The following METTL21A variants were observed in gnomAD, a reference collection of about 807,000 sequenced individuals.
METTL21A encodes the protein methyltransferase 21A, HSPA lysine, also known as protein N-lysine methyltransferase METTL21A.
Under a neutral mutation model 20.9 loss-of-function variants are expected in METTL21A, and 22 were observed. The ratio of observed to expected loss-of-function variants is 1.05; its 90% CI spans 0.75 to 1.50. The LOEUF (loss-of-function observed/expected upper bound fraction) is 1.50. METTL21A is among the 40% of genes most tolerant of loss of function. The pLI is 0.00. For synonymous variants in METTL21A, 93 were observed against 102.0 expected (o/e 0.91, Z 0.53); for missense variants, 271 against 266.8 (o/e 1.02, Z -0.11).
chr2:207,582,998 GCT>G (rs1217799406), intron 3 of METTL21A: 4 of 153,724 alleles, frequency 2.6e-5, no homozygotes, highest in Non-Finnish European at 4.4e-5. Flanking sequence ...TATATAGTTG[GCT>G]CTGTTTTCCA....
In METTL21A at chr2:207,602,760, A is replaced by G. The variant is rs542459960; in HGVS notation, c.259+19046T>C. The G allele has an allele frequency of 2.3e-4, 50 of 213,658 alleles. No homozygotes were observed. The South Asian group carries it at 2.4e-3, about 10-fold the overall frequency. The allele number at this position is 213,658 out of a possible 1,614,324, so 13.2% of individuals were successfully genotyped here. A position where few individuals can be genotyped will look rare whatever the true frequency, so the allele number is the denominator to read the frequency against. ...ATGTAATAAAATTATTTATATTAAA[A>G]GTGGGAAATAATTGTCAACATTTTT... is the stretch of plus-strand genomic sequence containing the variant. On this transcript the variant is annotated intron_variant, in intron 3 of 3. Coordinates refer to the METTL21A transcript ENST00000425132.
chr2:207,593,503 C>T (rs899541395), intron 3 of METTL21A, among the ~76,000 whole-genome samples: 1 of 152,144 alleles, frequency 6.6e-6, no homozygotes, highest in Non-Finnish European at 1.5e-5. Flanking sequence ...GCACTCCAGC[C>T]TGGGCAGCAG....
chr2:207,589,630 C>G (rs1299603750), intron 3 of METTL21A, among the ~76,000 whole-genome samples: 1 of 152,110 alleles, frequency 6.6e-6, no homozygotes, highest in Non-Finnish European at 1.5e-5. Flanking sequence ...TTTAAAAACT[C>G]TCTTTGATTT....
chr2:207,582,918 A>AATAT (rs1553505581), intron 3 of METTL21A: 1 of 258,228 alleles, frequency 3.9e-6, no homozygotes, highest in Non-Finnish European at 7.8e-6. Flanking sequence ...AACAAAAAAA[A>AATAT]ATATATATAT....
At chr2:207,587,212 T>G (rs2084018058) in intron 3 of METTL21A, among the ~76,000 whole-genome samples, 1 of 151,688 alleles carries the variant, frequency 6.6e-6, no homozygotes, top group Non-Finnish European at 1.5e-5. Flanking sequence ...GCTAACACGG[T>G]GAAACTCCTT....
At chr2:207,614,314 G>C (rs1559114806) in intron 3 of METTL21A, among the ~76,000 whole-genome samples, 1 of 151,968 alleles carries the variant, frequency 6.6e-6, no homozygotes, top group African/African-American at 2.4e-5. Flanking sequence ...GATATCATGT[G>C]AGTATGGGAG....
At chr2:207,587,945 T>A (rs2106635804) in intron 3 of METTL21A, among the ~76,000 whole-genome samples, 1 of 152,308 alleles carries the variant, frequency 6.6e-6, no homozygotes. Context: ...AAGTGAGGAT[T>A]TTGAATGTTC....
Position 207,581,949 on chromosome 2 carries a change from A to G in METTL21A, c.*198T>C, listed in dbSNP as rs560264106. On this transcript the variant is annotated 3_prime_UTR_variant, in exon 4 of 4. Transcript: ENST00000425132. ...AGTTTGCATTTGTCCAGTGTTTTCT[A>G]TGGATAGATTGAGATAATAGGTTTT... 23 of 702,746 alleles carry G rather than the reference A, an allele frequency of 3.3e-5. 1 individual carries two copies. The highest frequency in any genetic ancestry group is 3.0e-4 in the South Asian group (20 of 67,542). 43.5% of individuals were successfully genotyped at this position (702,746 alleles called of 1,614,324 possible).
At chr2:207,610,807 C>T (rs1468696692), downstream of METTL21A, 1 of 31,608 alleles carries the variant, frequency 3.2e-5, no homozygotes, top group Non-Finnish European at 5.8e-5. Context: ...GATCAGCCCC[C>T]CGCCTGGCCA....
chr2:207,584,695 C>G (rs181017193), intron 3 of METTL21A, among the ~76,000 whole-genome samples: 31 of 152,300 alleles, frequency 2.0e-4, no homozygotes, highest in Non-Finnish European at 3.7e-4. Context: ...AGCTACTGTG[C>G]CCAGCCTTCA....
At chr2:207,624,441 A>G in intron 1 of METTL21A, 37 bp from the exon 2 acceptor site, 1 of 1,531,506 alleles carries the variant, frequency 6.5e-7, no homozygotes, top group Non-Finnish European at 8.8e-7. Flanking sequence ...CGCTCTGGCC[A>G]AAAGATACAT....
At chr2:207,593,521 C>A (rs547419061) in intron 3 of METTL21A, among the ~76,000 whole-genome samples, 19 of 152,210 alleles carry the variant, frequency 1.2e-4, no homozygotes, top group Middle Eastern at 6.8e-3. Context: ...CAGAGCAAGA[C>A]CCCATCTCAA....
At chr2:207,597,622 A>G (rs908644122) in intron 3 of METTL21A, 1 of 208,722 alleles carries the variant, frequency 4.8e-6, no homozygotes, top group African/African-American at 2.3e-5. Context: ...TTAGAAATGA[A>G]TTTGGAGTGC....
chr2:207,605,694 T>C (rs1158580098), downstream of METTL21A, among the ~76,000 whole-genome samples: 1 of 152,232 alleles, frequency 6.6e-6, no homozygotes, highest in Admixed American at 6.5e-5. Flanking sequence ...ACTGCTGCCA[T>C]TGTACAGATA....
intron 3 of METTL21A, among the ~76,000 whole-genome samples, chr2:207,619,355 A>C (rs1282541428): frequency 1.3e-5 from 2 of 152,162 alleles, no homozygotes; most frequent in African/African-American, 2.4e-5. Flanking sequence ...ATATACTTTA[A>C]AAAGAATAAT....
downstream of METTL21A, chr2:207,609,222 G>A (rs535457446): frequency 1.3e-5 from 2 of 152,264 alleles, no homozygotes; most frequent in South Asian, 2.1e-4. Flanking sequence ...GGAAGAGAAC[G>A]TCCTGTTTTT....
Position 207,613,457 on chromosome 2 carries a change from C to A in METTL21A, c.260-14G>T, listed in dbSNP as rs1251130173. On this transcript the variant is annotated splice_polypyrimidine_tract_variant and intron_variant, in intron 3 of 3. Coordinates refer to ENST00000406927, the Ensembl canonical transcript of METTL21A. The stretch of plus-strand genomic sequence containing the variant: ...TCACATGAGCACCTACAATGTGGAA[C>A]AAAGAAAAAGTGATGTGTACATCAG... The A allele has an allele frequency of 2.6e-6, 4 of 1,552,706 alleles. No homozygotes were observed. The Admixed American group carries it at 6.0e-5, about 23-fold the overall frequency.
chr2:207,607,568 A>G (rs116268474), downstream of METTL21A, among the ~76,000 whole-genome samples: 847 of 150,404 alleles, frequency 5.6e-3, 5 homozygotes, highest in African/African-American at 0.02. Context: ...ATCAACTACT[A>G]TTTGAAGATG....
intron 3 of METTL21A, chr2:207,600,296 CTT>C (rs1279714593): frequency 2.1e-4 from 37 of 174,092 alleles, no homozygotes; most frequent in African/African-American, 8.2e-4. Context: ...TCTGAGAGCT[CTT>C]AAGTCAGGAA....
Sources: allele counts gnomAD v4.1 joint callset (sites outside exome capture counted in the v4.1 genomes callset), GRCh38; gene constraint gnomAD v4.1.1; transcripts MANE v1.5; gene names NCBI Gene and HGNC (gene_info 2026-07-23, HGNC 2026-07-21).